The following NIBAN1 variants were observed in gnomAD, a reference collection of about 807,000 sequenced individuals.
The protein encoded by NIBAN1 is protein Niban 1.
In NIBAN1, 81 loss-of-function variants were observed where a neutral mutation model predicts 75.1. The ratio of observed to expected loss-of-function variants is 1.08; its 90% CI spans 0.90 to 1.30. The LOEUF (loss-of-function observed/expected upper bound fraction) is 1.30, where lower values mean the gene tolerates loss of function less well. Ranked by LOEUF, NIBAN1 falls within the 50% of genes most tolerant of loss-of-function variation. The pLI is 0.00. For missense variants in NIBAN1, 1,133 were observed against 1,128.1 expected (o/e 1.00, Z -0.06); for synonymous variants, 436 against 424.8 (o/e 1.03, Z -0.32).
intron 1 of NIBAN1, among the ~76,000 whole-genome samples, chr1:184,912,515 C>T (rs1044987505): frequency 1.3e-5 from 2 of 152,162 alleles, no homozygotes; most frequent in East Asian, 3.9e-4. Context: ...TCGGTACTGT[C>T]CCACTTCCAC....
intron 5 of NIBAN1, among the ~76,000 whole-genome samples, chr1:184,844,211 T>C (rs1655373178): frequency 6.6e-6 from 1 of 152,204 alleles, no homozygotes; most frequent in Admixed American, 6.5e-5. Context: ...TCAGAACACC[T>C]TAGTCTTACC....
rs200329257 is a variant in NIBAN1 at position 184,884,827 on chromosome 1, C to A, written c.434-27G>T. ...TAAAGAAATATTGAAAACACAAATA[C>A]CTTTTAAAACATGTATCTTTTATTT... On this transcript the variant is annotated intron_variant, in intron 4 of 13. Transcript: ENST00000367511. 14 of 1,608,180 alleles carry A rather than the reference C, an allele frequency of 8.7e-6. No homozygotes were observed. The East Asian group carries it at 2.0e-4, about 23-fold the overall frequency.
intron 1 of NIBAN1, among the ~76,000 whole-genome samples, chr1:184,912,476 G>C (rs1657266868): frequency 6.6e-6 from 1 of 152,038 alleles, no homozygotes; most frequent in Non-Finnish European, 1.5e-5. Flanking sequence ...GGGTATAAGA[G>C]TTACCTCCTC....
chr1:184,897,756 C>T (rs553874802), intron 2 of NIBAN1, among the ~76,000 whole-genome samples: 1 of 152,300 alleles, frequency 6.6e-6, no homozygotes, highest in South Asian at 2.1e-4. Flanking sequence ...CACTTATTTG[C>T]TCTGGTTAAA....
intron 1 of NIBAN1, among the ~76,000 whole-genome samples, chr1:184,970,400 C>T (rs1571614887): frequency 1.3e-5 from 2 of 152,248 alleles, no homozygotes; most frequent in South Asian, 4.1e-4. Context: ...TGGACTAGTA[C>T]GACACATCCA....
rs78675639 is a variant in NIBAN1, at chr1:184,944,650, C to T, written c.55+29652G>A. On this transcript the variant is annotated intron_variant, in intron 1 of 13. Transcript: ENST00000367511. ...GTATAGGACAGTAAAGAAAGCAATG[C>T]TTATATAAAACCATGAAACCAGTTG... is the stretch of plus-strand genomic sequence containing the variant. Among the ~76,000 whole-genome samples the T allele has an allele frequency of 5.0e-3, 758 of 152,232 alleles. 10 individuals carry two copies. The highest frequency in any genetic ancestry group is 0.047 in the East Asian group (244 of 5,184).
At chr1:184,834,464 C>G (rs1432695052) in intron 5 of NIBAN1, among the ~76,000 whole-genome samples, 1 of 152,184 alleles carries the variant, frequency 6.6e-6, no homozygotes, top group Admixed American at 6.5e-5. Context: ...CTAGTTTACA[C>G]TCCCACCAAC....
rs56098797 is a variant in NIBAN1, at chr1:184,913,137, G to GTA, written c.56-13830_56-13829dup. Among the ~76,000 whole-genome samples, 646 of 109,720 alleles carry GTA rather than the reference G, an allele frequency of 5.9e-3. 6 individuals carry two copies. The highest frequency in any genetic ancestry group is 0.047 in the East Asian group (116 of 2,452). The allele number at this position is 109,720 out of a possible 152,430, so 72.0% of individuals were successfully genotyped here. ...TATATATGCCTTGCATATCATGCAGGTATATATATATATATATTATATATA... is the reference window on the plus strand; with the variant it reads ...TATATATGCCTTGCATATCATGCAGGTATATATATATATATATATTATATATA... On this transcript the variant is annotated intron_variant, in intron 1 of 13. Coordinates refer to ENST00000367511, the MANE Select transcript of NIBAN1 (RefSeq NM_052966.4).
At chr1:184,863,276 A>G (rs1423204007) in intron 5 of NIBAN1, among the ~76,000 whole-genome samples, 7 of 152,216 alleles carry the variant, frequency 4.6e-5, no homozygotes, top group Non-Finnish European at 1.0e-4. Flanking sequence ...CAACAAGAAG[A>G]AAGATAAGTT....
chr1:184,796,151 A>G, intron 13 of NIBAN1, 54 bp from the exon 14 acceptor site: 1 of 1,482,998 alleles, frequency 6.7e-7, no homozygotes, highest in South Asian at 1.4e-5. Context: ...GAGAAGCCAA[A>G]GTCCCCTTTC....
intron 6 of NIBAN1, among the ~76,000 whole-genome samples, chr1:184,825,237 A>G (rs1654811815): frequency 6.6e-6 from 1 of 152,228 alleles, no homozygotes; most frequent in Non-Finnish European, 1.5e-5. Flanking sequence ...GTGAAATGTC[A>G]ACCCTCACTG....
chr1:184,869,588 G>C lies in NIBAN1; in HGVS notation c.601+15045C>G, dbSNP rs115100893. Among the ~76,000 whole-genome samples, 1,209 of 150,406 alleles carry C rather than the reference G, an allele frequency of 8.0e-3. 16 individuals carry two copies. Among genetic ancestry groups the C allele is most frequent in the African/African-American group, 0.028 (1,139 of 40,728 alleles). On this transcript the variant is annotated intron_variant, in intron 5 of 13. Transcript: ENST00000367511. ...GACAGAGTTTCACTCTGTTTCCCAAGCCGGAGTGCAGTGGCTCCATCTCGG... is the reference window on the plus strand; with the variant it reads ...GACAGAGTTTCACTCTGTTTCCCAACCCGGAGTGCAGTGGCTCCATCTCGG...
intron 1 of NIBAN1, among the ~76,000 whole-genome samples, chr1:184,959,639 T>C (rs576663415): frequency 3.0e-4 from 46 of 152,352 alleles, no homozygotes; most frequent in African/African-American, 1.1e-3. Context: ...TATAAAGAAT[T>C]TGCACTTTAT....
In NIBAN1 at chr1:184,974,308, T is replaced by G; in HGVS notation, c.49A>C (p.Ile17Leu). The G allele has an allele frequency of 6.4e-7, 1 of 1,565,120 alleles. No individual in the cohort carries two copies. ...CCCGGGCGGGCGGGCGTACCTCGGA[T>G]GTAAGCGCACTTGCCCTCGTCCAGC... ...SQLDEGKCAY[I>L]RGKTEAAIKN... is the part of the protein sequence containing the mutation. Residue 17 changes from isoleucine (I) to leucine (L), a missense_variant, in exon 1 of 14, where the codon ATC becomes CTC. Transcript: ENST00000367511.
At chr1:184,928,025 A>G (rs1395728390) in intron 1 of NIBAN1, among the ~76,000 whole-genome samples, 3 of 151,836 alleles carry the variant, frequency 2.0e-5, no homozygotes, top group African/African-American at 7.3e-5. Flanking sequence ...GGTACTGCTG[A>G]TGTTTATTCG....
intron 1 of NIBAN1, among the ~76,000 whole-genome samples, chr1:184,935,573 G>T (rs925737717): frequency 2.6e-5 from 4 of 152,028 alleles, no homozygotes; most frequent in Non-Finnish European, 4.4e-5. Context: ...GATTGAGCTT[G>T]GAAGGTCTAA....
At chr1:184,929,121 T>C (rs933062232) in intron 1 of NIBAN1, among the ~76,000 whole-genome samples, 5 of 152,362 alleles carry the variant, frequency 3.3e-5, no homozygotes, top group Admixed American at 3.3e-4. Context: ...TTTCTGTTCC[T>C]ATCCATGATT....
chr1:184,843,287 G>T (rs1303304921), intron 5 of NIBAN1, among the ~76,000 whole-genome samples: 2 of 152,070 alleles, frequency 1.3e-5, no homozygotes, highest in Non-Finnish European at 2.9e-5. Context: ...GCACTCAGTG[G>T]ATATGTGGAT....
chr1:184,936,430 G>A (rs1409773031), intron 1 of NIBAN1, among the ~76,000 whole-genome samples: 1 of 152,180 alleles, frequency 6.6e-6, no homozygotes, highest in Non-Finnish European at 1.5e-5. Context: ...TTGCCTCCTG[G>A]TGAGTTTTCT....
Sources: gnomAD v4.1 joint callset for allele counts (sites outside exome capture counted in the v4.1 genomes callset) on GRCh38, gnomAD v4.1.1 for gene constraint, MANE v1.5 for transcripts, NCBI Gene and HGNC (gene_info 2026-07-23, HGNC 2026-07-21) for gene names.